Variants in GBP6 observed in about 807,000 individuals in gnomAD.
GBP6 encodes guanylate-binding protein 6.
GBP6 carries 54 observed loss-of-function variants against 61.5 expected under a neutral mutation model. The observed-to-expected ratio is 0.88, with a 90% CI of 0.71 to 1.10. The LOEUF (loss-of-function observed/expected upper bound fraction) is 1.10. Ranked by LOEUF, GBP6 falls within the 50% of genes least tolerant of loss-of-function variation. The pLI is 0.00. For missense variants in GBP6, 748 were observed against 752.8 expected (o/e 0.99, Z 0.07); for synonymous variants, 255 against 273.7 (o/e 0.93, Z 0.67).
At chr1:89,366,421 A>C (rs757268067) in intron 1 of GBP6, among the ~76,000 whole-genome samples, 2 of 152,168 alleles carry the variant, frequency 1.3e-5, no homozygotes, top group Non-Finnish European at 2.9e-5. Flanking sequence ...CTCATCCCAT[A>C]GTGGATCCTT....
intron 3 of GBP6, among the ~76,000 whole-genome samples, chr1:89,372,062 C>G (rs1334259789): frequency 6.6e-6 from 1 of 152,154 alleles, no homozygotes; most frequent in African/African-American, 2.4e-5. Context: ...CTCCCATTCA[C>G]AATTGCTTCA....
chr1:89,385,669 A>T lies in GBP6; in HGVS notation c.*200A>T, dbSNP rs1297823126. The T allele has an allele frequency of 3.8e-6, 2 of 531,586 alleles. No individual in the cohort carries two copies. The highest frequency in any genetic ancestry group is 6.6e-6 in the Non-Finnish European group (2 of 302,584). 32.9% of individuals were successfully genotyped at this position (531,586 alleles called of 1,614,324 possible). A position where few individuals can be genotyped will look rare whatever the true frequency, so the allele number is the denominator to read the frequency against. On this transcript the variant is annotated 3_prime_UTR_variant, in exon 11 of 11. Coordinates refer to ENST00000370456, the MANE Select transcript of GBP6 (RefSeq NM_198460.3). ...CTGCCTCAGCCCCCTAGTAGCTGGGATTATAGGTGTACACCACCACACCCA... is the reference window on the plus strand; with the variant it reads ...CTGCCTCAGCCCCCTAGTAGCTGGGTTTATAGGTGTACACCACCACACCCA...
At chr1:89,371,527 A>G (rs1266544974) in intron 3 of GBP6, among the ~76,000 whole-genome samples, 1 of 152,214 alleles carries the variant, frequency 6.6e-6, no homozygotes, top group Non-Finnish European at 1.5e-5. Context: ...ATCAATAAAC[A>G]TAATCCAGCA....
At chr1:89,368,460 C>T in intron 1 of GBP6, 69 bp from the exon 2 acceptor site, 1 of 1,179,354 alleles carries the variant, frequency 8.5e-7, no homozygotes, top group Non-Finnish European at 1.2e-6. Flanking sequence ...TCTCATTAGT[C>T]CTATGTTGAT....
At chr1:89,369,469 C>G in intron 2 of GBP6, 77 bp from the exon 3 acceptor site, 7 of 1,512,794 alleles carry the variant, frequency 4.6e-6, no homozygotes, top group Non-Finnish European at 6.2e-6. Context: ...TACAATCCAA[C>G]CAGTCTGATG....
At position 89,386,282 on chromosome 1, in the gene GBP6, T is replaced by C. The variant is rs1406835145; in HGVS notation, c.*813T>C. 6.6e-6 allele frequency: 1 copy of C among 152,188 alleles called. No homozygotes were observed. The highest frequency in any genetic ancestry group is 2.1e-4 in the South Asian group (1 of 4,830). The allele number at this position is 152,188 out of a possible 1,614,324, so 9.4% of individuals were successfully genotyped here. On this transcript the variant is annotated 3_prime_UTR_variant, in exon 11 of 11. Coordinates refer to ENST00000370456, the MANE Select transcript of GBP6 (RefSeq NM_198460.3). ...TGGAAAGATTAATCAAAATCTATTA[T>C]TATTGGCTCCTTCTGGGAAGAACCA...
chr1:89,377,707 T>G (rs1205219982), intron 3 of GBP6, among the ~76,000 whole-genome samples: 1 of 152,234 alleles, frequency 6.6e-6, no homozygotes, highest in Non-Finnish European at 1.5e-5. Context: ...TTTGCTGAAT[T>G]TAATTGAATA....
intron 5 of GBP6, among the ~76,000 whole-genome samples, chr1:89,379,865 AG>A (rs905863057): frequency 2.8e-4 from 42 of 152,240 alleles, no homozygotes; most frequent in Non-Finnish European, 4.7e-4. Context: ...TGGCTGGGCA[AG>A]GTGACTTGCA....
rs141436979 is a variant in GBP6, at chr1:89,378,529, C to T, written c.541C>T (p.Arg181Trp). 1.7e-4 allele frequency: 280 copies of T among 1,613,902 alleles called. No individual in the cohort carries two copies. Among genetic ancestry groups the T allele is most frequent in the Non-Finnish European group, 2.1e-4 (251 of 1,179,874 alleles). Residue 181 changes from arginine (R) to tryptophan (W), a missense_variant, in exon 5 of 11, where the codon CGG becomes TGG. Physicochemically the swap from Arg to Trp is moderately radical, Grantham distance 101. Coordinates refer to ENST00000370456, the MANE Select transcript of GBP6 (RefSeq NM_198460.3). ...SFFPDFLWTV[R>W]DFTLELKLNG... Reference sequence around the variant, plus strand: ...CTTCCCAGACTTTCTTTGGACAGTACGGGATTTCACTCTGGAGCTGAAGTT... The same window carrying T: ...CTTCCCAGACTTTCTTTGGACAGTATGGGATTTCACTCTGGAGCTGAAGTT...
intron 3 of GBP6, among the ~76,000 whole-genome samples, chr1:89,377,566 C>A (rs1299573957): frequency 6.6e-6 from 1 of 152,086 alleles, no homozygotes; most frequent in Non-Finnish European, 1.5e-5. Flanking sequence ...ATAAATATTG[C>A]CATTTTTATT....
chr1:89,366,247 T>C (rs923815097), intron 1 of GBP6, among the ~76,000 whole-genome samples: 1 of 152,244 alleles, frequency 6.6e-6, no homozygotes, highest in African/African-American at 2.4e-5. Flanking sequence ...CAATATTATA[T>C]GTATTGTTAT....
At position 89,382,850 on chromosome 1, in the gene GBP6, T is replaced by G. The variant is rs747228403; in HGVS notation, c.1339T>G (p.Trp447Gly). 2 of 1,613,802 alleles carry G rather than the reference T, an allele frequency of 1.2e-6. No individual in the cohort carries two copies. Among genetic ancestry groups the G allele is most frequent in the South Asian group, 2.2e-5 (2 of 91,082 alleles). Residue 447 changes from tryptophan (W) to glycine (G), a missense_variant, in exon 8 of 11, where the codon TGG becomes GGG. Physicochemically the swap from Trp to Gly is radical, Grantham distance 184. Coordinates refer to ENST00000370456, the MANE Select transcript of GBP6 (RefSeq NM_198460.3). ...ETKERIEQDY[W>G]QVPRKGVKAK... is the part of the protein sequence containing the mutation. ...AAAGGAAAGGATTGAACAGGACTAT[T>G]GGCAAGTTCCCAGGAAAGGAGTAAA...
intron 1 of GBP6, among the ~76,000 whole-genome samples, chr1:89,366,368 C>T (rs1291061308): frequency 6.6e-6 from 1 of 152,174 alleles, no homozygotes; most frequent in Admixed American, 6.5e-5. Flanking sequence ...GGACATTCTC[C>T]TGCTTCCCTT....
chr1:89,387,155 G>T lies in GBP6; in HGVS notation c.*1686G>T, dbSNP rs568987552. On this transcript the variant is annotated 3_prime_UTR_variant, in exon 11 of 11. Coordinates refer to ENST00000370456, the MANE Select transcript of GBP6 (RefSeq NM_198460.3). ...CCCAGGAAAGGACACTGCAACTCCAGGACCCAAATAAATGATAATGATTTC... is the reference window on the plus strand; with the variant it reads ...CCCAGGAAAGGACACTGCAACTCCATGACCCAAATAAATGATAATGATTTC... 6.6e-6 allele frequency among the ~76,000 whole-genome samples: 1 copy of T among 152,230 alleles called. No individual in the cohort carries two copies. The highest frequency in any genetic ancestry group is 6.5e-5 in the Admixed American group (1 of 15,296).
chr1:89,387,186 T>G lies in GBP6; in HGVS notation c.*1717T>G, dbSNP rs1257868119. On this transcript the variant is annotated 3_prime_UTR_variant, in exon 11 of 11. Transcript: ENST00000370456. ...AAATAAATGATAATGATTTCCCAAG[T>G]TCTCCTCCTAGGAAACGTCTGGAGC... 6.6e-6 allele frequency among the ~76,000 whole-genome samples: 1 copy of G among 152,098 alleles called. No homozygotes were observed. The highest frequency in any genetic ancestry group is 1.9e-4 in the East Asian group (1 of 5,186).
chr1:89,368,524 G>C lies in GBP6; in HGVS notation c.-23-5G>C. ...ATGACAATGTAACGTTATTTCTACT[G>C]GGAGGCTCTTCTAGGTTGGCAGTTG... On this transcript the variant is annotated splice_polypyrimidine_tract_variant and splice_region_variant and intron_variant, in intron 1 of 10. Transcript: ENST00000370456. 2 of 1,600,532 alleles carry C rather than the reference G, an allele frequency of 1.2e-6. No individual in the cohort carries two copies. Among genetic ancestry groups the C allele is most frequent in the Non-Finnish European group, 1.7e-6 (2 of 1,170,500 alleles).
At chr1:89,365,887 A>G (rs951998003) in intron 1 of GBP6, among the ~76,000 whole-genome samples, 3 of 152,212 alleles carry the variant, frequency 2.0e-5, no homozygotes, top group Non-Finnish European at 4.4e-5. Flanking sequence ...AGTGTCTGAC[A>G]TATCAATTCT....
chr1:89,366,457 C>A (rs1157616588), intron 1 of GBP6, among the ~76,000 whole-genome samples: 1 of 152,174 alleles, frequency 6.6e-6, no homozygotes, highest in Non-Finnish European at 1.5e-5. Context: ...ATTCCCATCA[C>A]TCTTCCAAAC....
At chr1:89,375,095 A>G (rs1030521802) in intron 3 of GBP6, among the ~76,000 whole-genome samples, 9 of 152,222 alleles carry the variant, frequency 5.9e-5, no homozygotes, top group African/African-American at 2.2e-4. Flanking sequence ...TGAAAAGGAC[A>G]TGATTTTGTT....
Sources: allele counts gnomAD v4.1 joint callset (sites outside exome capture counted in the v4.1 genomes callset), GRCh38; gene constraint gnomAD v4.1.1; transcripts MANE v1.5; gene names NCBI Gene and HGNC (gene_info 2026-07-23, HGNC 2026-07-21).